ACAD11: variants seen among roughly 807,000 people sequenced by gnomAD.
ACAD11 encodes acyl-CoA dehydrogenase family member 11.
ACAD11 carries 83 observed loss-of-function variants against 102.2 expected under a neutral mutation model. That is an observed-to-expected ratio of 0.81 (90% CI 0.68 to 0.97). The LOEUF is 0.97. Among genes scored for constraint, ACAD11 ranks in the 50% least tolerant of loss-of-function variants. The probability of loss-of-function intolerance (pLI) is 0.00; values close to 1 mark genes in which losing one functional copy is unlikely to be tolerated. For missense variants in ACAD11, 901 were observed against 951.7 expected (o/e 0.95, Z 0.70); for synonymous variants, 324 against 319.8 (o/e 1.01, Z -0.14).
intron 1 of ACAD11, 175 bp downstream of exon 1, chr3:132,659,428 C>A (rs1050683886): frequency 1.2e-6 from 1 of 811,008 alleles, no homozygotes; most frequent in Non-Finnish European, 1.9e-6. Flanking sequence ...ATTGGGAAGC[C>A]CCCAGCATCG....
At chr3:132,621,022 A>G (rs1051786145) in intron 9 of ACAD11, 1 of 152,256 alleles carries the variant, frequency 6.6e-6, no homozygotes, top group East Asian at 1.9e-4. Context: ...AAAGAAGGCA[A>G]ATATGAGTGG....
chr3:132,611,527 C>T (rs933071699), intron 11 of ACAD11, among the ~76,000 whole-genome samples: 5 of 152,168 alleles, frequency 3.3e-5, no homozygotes, highest in Non-Finnish European at 4.4e-5. Context: ...TCAGCAAAGT[C>T]TCAGGATACA....
chr3:132,558,262 C>A lies in ACAD11; in HGVS notation c.*709G>T, dbSNP rs1936940385. Reference sequence around the variant, plus strand: ...AAGGATACCTTTTATAAAGTACTTTCTTGTGGTTTTACAGATTTCAAGGTG... The same window carrying A: ...AAGGATACCTTTTATAAAGTACTTTATTGTGGTTTTACAGATTTCAAGGTG... On this transcript the variant is annotated 3_prime_UTR_variant, in exon 20 of 20. Transcript: ENST00000264990. The A allele has an allele frequency of 6.6e-6, 1 of 152,102 alleles. No individual in the cohort carries two copies. The highest frequency in any genetic ancestry group is 2.4e-5 in the African/African-American group (1 of 41,434). 9.4% of individuals were successfully genotyped at this position (152,102 alleles called of 1,614,324 possible).
chr3:132,600,005 A>T (rs1361492673), intron 13 of ACAD11, among the ~76,000 whole-genome samples: 1 of 152,202 alleles, frequency 6.6e-6, no homozygotes, highest in Non-Finnish European at 1.5e-5. Flanking sequence ...AAAATTATGT[A>T]TGTAAAGATT....
At chr3:132,559,698 A>G (rs1298120359) in intron 19 of ACAD11, 135 bp downstream of exon 19, 9 of 659,610 alleles carry the variant, frequency 1.4e-5, no homozygotes, top group African/African-American at 9.1e-5. Context: ...GTTGAGCTCT[A>G]TATTAATGTA....
chr3:132,612,514 C>G (rs1238735536), intron 11 of ACAD11, among the ~76,000 whole-genome samples: 2 of 151,758 alleles, frequency 1.3e-5, no homozygotes, highest in Non-Finnish European at 2.9e-5. Context: ...ACAATGAACT[C>G]AAACAAATTT....
intron 5 of ACAD11, among the ~76,000 whole-genome samples, chr3:132,631,778 TGATAAAAAG>T (rs1940050668): frequency 6.6e-6 from 1 of 152,180 alleles, no homozygotes; most frequent in African/African-American, 2.4e-5. Context: ...GAAGTAATTG[TGATAAAAAG>T]GAATTATAGT....
intron 1 of ACAD11, among the ~76,000 whole-genome samples, chr3:132,645,430 A>T (rs1023794139): frequency 1.3e-5 from 2 of 152,166 alleles, no homozygotes; most frequent in Non-Finnish European, 2.9e-5. Context: ...GGGAAGTGCA[A>T]TGCTGGCCCA....
chr3:132,582,863 T>C (rs1218915560), intron 13 of ACAD11, among the ~76,000 whole-genome samples: 1 of 152,038 alleles, frequency 6.6e-6, no homozygotes, highest in African/African-American at 2.4e-5. Flanking sequence ...AGCCTCAGAG[T>C]TGTAAGAACA....
At chr3:132,563,959 T>G (rs1937140913) in intron 17 of ACAD11, among the ~76,000 whole-genome samples, 3 of 152,234 alleles carry the variant, frequency 2.0e-5, no homozygotes, top group Admixed American at 2.0e-4. Context: ...ATTCCCAGTT[T>G]GCTGAAAGTT....
Position 132,631,457 on chromosome 3 carries a change from T to A in ACAD11, c.725A>T (p.Asp242Val). 2 of 1,528,300 alleles carry A rather than the reference T, an allele frequency of 1.3e-6. No individual in the cohort carries two copies. Among genetic ancestry groups the A allele is most frequent in the Non-Finnish European group, 1.8e-6 (2 of 1,134,788 alleles). The allele number at this position is 1,528,300 out of a possible 1,614,324, so 94.7% of individuals were successfully genotyped here. ...PKECRVIAVL[D>V]WELSTIGHPL... ...ATGACCAATGGTTGACAGCTCCCAA[T>A]CCAGCACTGCTATAACTCGACACTG... is the stretch of plus-strand genomic sequence containing the variant. Residue 242 changes from aspartate (D) to valine (V), a missense_variant, in exon 6 of 20, where the codon GAT becomes GTT. By Grantham distance (152) the Asp-to-Val change is radical. Coordinates refer to ENST00000264990, the MANE Select transcript of ACAD11 (RefSeq NM_032169.5).
At chr3:132,579,123 TGGTAACTG>T in intron 14 of ACAD11, 2 of 1,331,706 alleles carry the variant, frequency 1.5e-6, no homozygotes, top group Non-Finnish European at 2.0e-6. Flanking sequence ...TGCTCAACAA[TGGTAACTG>T]GGAACTTATA....
chr3:132,587,412 A>C (rs1937888727), intron 13 of ACAD11, among the ~76,000 whole-genome samples: 1 of 152,172 alleles, frequency 6.6e-6, no homozygotes, highest in Non-Finnish European at 1.5e-5. Flanking sequence ...AAGCCCAGTC[A>C]GTGAATTTCT....
chr3:132,616,871 G>T (rs1300163799), intron 11 of ACAD11, among the ~76,000 whole-genome samples: 1 of 152,160 alleles, frequency 6.6e-6, no homozygotes, highest in Non-Finnish European at 1.5e-5. Flanking sequence ...ATAAATCAGT[G>T]TTTGGAAAAG....
At chr3:132,644,750 C>T in intron 2 of ACAD11, 47 bp downstream of exon 2, 1 of 1,220,824 alleles carries the variant, frequency 8.2e-7, no homozygotes, top group African/African-American at 1.5e-5. Context: ...GTATTAAAAG[C>T]ATTTATTTGT....
intron 18 of ACAD11, 85 bp from the exon 19 acceptor site, chr3:132,560,027 T>A (rs1937006375): frequency 9.3e-7 from 1 of 1,074,998 alleles, no homozygotes; most frequent in African/African-American, 1.6e-5. Context: ...AAGGAAACTT[T>A]CCCACATCCA....
chr3:132,612,399 T>G (rs1939195372), intron 11 of ACAD11, among the ~76,000 whole-genome samples: 1 of 151,904 alleles, frequency 6.6e-6, no homozygotes, highest in African/African-American at 2.4e-5. Context: ...CTAAAGAGCT[T>G]CTGCACAGCA....
chr3:132,599,582 T>G (rs1938477464), intron 13 of ACAD11, among the ~76,000 whole-genome samples: 1 of 152,116 alleles, frequency 6.6e-6, no homozygotes, highest in South Asian at 2.1e-4. Flanking sequence ...ATAGCTGAAT[T>G]GTGCAAATGT....
At chr3:132,602,260 A>G (rs909859308) in intron 13 of ACAD11, 2 of 166,936 alleles carry the variant, frequency 1.2e-5, no homozygotes, top group African/African-American at 4.8e-5. Flanking sequence ...GTTCCTAAAG[A>G]CATAATTTGC....
Sources: allele counts gnomAD v4.1 joint callset (sites outside exome capture counted in the v4.1 genomes callset), GRCh38; gene constraint gnomAD v4.1.1; transcripts MANE v1.5; gene names NCBI Gene and HGNC (gene_info 2026-07-23, HGNC 2026-07-21).